The following PRH1 variants were observed in gnomAD, a reference collection of about 807,000 sequenced individuals.
PRH1 encodes salivary acidic proline-rich phosphoprotein 1/2.
PRH1 carries 7 observed loss-of-function variants against 7.9 expected under a neutral mutation model. That is an observed-to-expected ratio of 0.89 (90% CI 0.50 to 1.67). The LOEUF is 1.67. PRH1 is among the 40% of genes most tolerant of loss of function. PRH1 has a pLI of 0.00. For missense variants in PRH1, 109 were observed against 223.6 expected (o/e 0.49, Z 3.27); for synonymous variants, 45 against 80.8 (o/e 0.56, Z 2.38).
Position 11,133,414 on chromosome 12 carries a change from G to T in PRH1, n.40-12234C>A, listed in dbSNP as rs1946433568. The T allele has an allele frequency of 1.9e-6, 3 of 1,613,860 alleles. No individual in the cohort carries two copies. In the South Asian group the frequency reaches 3.3e-5, roughly 18 times the overall value. On this transcript the variant is annotated intron_variant and non_coding_transcript_variant, in intron 1 of 1. Coordinates refer to the PRH1 transcript ENST00000541175. The stretch of plus-strand genomic sequence containing the variant: ...GCTTCTTGTTTCCCAAAATCAGGAT[G>T]AATGGGTGGGTTGAAGGATAGCTGA...
intron 2 of PRH1, chr12:10,908,975 C>A: frequency 6.2e-7 from 1 of 1,613,634 alleles, no homozygotes; most frequent in East Asian, 2.2e-5. Flanking sequence ...CTATTTTGAG[C>A]AAATAAAAGA....
intron 1 of PRH1, among the ~76,000 whole-genome samples, chr12:11,044,941 A>T (rs1015231171): frequency 6.6e-6 from 1 of 152,216 alleles, no homozygotes; most frequent in South Asian, 2.1e-4. Flanking sequence ...ATGTTCCACC[A>T]ATCTCACTGG....
At chr12:11,065,340 A>G (rs1397633558) in intron 1 of PRH1, among the ~76,000 whole-genome samples, 1 of 152,128 alleles carries the variant, frequency 6.6e-6, no homozygotes, top group African/African-American at 2.4e-5. Context: ...TTCTAAAAAT[A>G]TATGAACTGA....
chr12:10,919,815 T>G (rs1305496538), intron 2 of PRH1, among the ~76,000 whole-genome samples: 2 of 152,014 alleles, frequency 1.3e-5, no homozygotes, highest in Non-Finnish European at 2.9e-5. Flanking sequence ...TTTATTTCTG[T>G]GTCACAACCT....
At chr12:11,117,188 A>G (rs1308787331), downstream of PRH1, among the ~76,000 whole-genome samples, 1 of 152,148 alleles carries the variant, frequency 6.6e-6, no homozygotes, top group Non-Finnish European at 1.5e-5. Flanking sequence ...ACCAAAAACT[A>G]TTAGAATTGA....
intron 1 of PRH1, among the ~76,000 whole-genome samples, chr12:11,081,655 T>TGG (rs1259769073): frequency 9.5e-5 from 11 of 116,108 alleles, no homozygotes; most frequent in Admixed American, 2.6e-4. Flanking sequence ...TGACCAGAAC[T>TGG]ACCTCTCAAA....
At chr12:10,972,853 T>G (rs1565511541) in intron 2 of PRH1, among the ~76,000 whole-genome samples, 2 of 150,890 alleles carry the variant, frequency 1.3e-5, no homozygotes, top group Non-Finnish European at 2.9e-5. Flanking sequence ...CAGTACTCTT[T>G]AAAATCTGGT....
At chr12:10,996,224 G>A (rs1017397942) in intron 1 of PRH1, among the ~76,000 whole-genome samples, 1 of 151,858 alleles carries the variant, frequency 6.6e-6, no homozygotes, top group African/African-American at 2.4e-5. Flanking sequence ...AGCCACTCAG[G>A]AGGCTGACGC....
At chr12:10,923,802 T>C (rs888032208) in intron 2 of PRH1, among the ~76,000 whole-genome samples, 1 of 151,430 alleles carries the variant, frequency 6.6e-6, no homozygotes, top group African/African-American at 2.4e-5. Flanking sequence ...CATAGTCGTG[T>C]TTTGTTTTCT....
intron 2 of PRH1, among the ~76,000 whole-genome samples, chr12:10,952,444 T>C (rs1310797700): frequency 6.6e-6 from 1 of 152,150 alleles, no homozygotes; most frequent in African/African-American, 2.4e-5. Flanking sequence ...AAAATATGCC[T>C]GGAAATGCCA....
Position 11,089,563 on chromosome 12 carries a change from G to A in PRH1, n.124-42375C>T, listed in dbSNP as rs183580733. Among the ~76,000 whole-genome samples the A allele has an allele frequency of 5.8e-5, 8 of 139,106 alleles. No homozygotes were observed. In the East Asian group the frequency reaches 1.2e-3, roughly 21 times the overall value. The allele number at this position is 139,106 out of a possible 152,430, so 91.3% of individuals were successfully genotyped here. A position where few individuals can be genotyped will look rare whatever the true frequency, so the allele number is the denominator to read the frequency against. On this transcript the variant is annotated intron_variant and non_coding_transcript_variant, in intron 1 of 4. Transcript: ENST00000541977. Reference sequence around the variant, plus strand: ...TTTCTTCCTGTCTCAATTTCCACACGTCCTTGCCATTTTTGTCTTGAATTT... The same window carrying A: ...TTTCTTCCTGTCTCAATTTCCACACATCCTTGCCATTTTTGTCTTGAATTT...
chr12:10,888,127 C>T (rs1430511929), upstream of PRH1, among the ~76,000 whole-genome samples: 1 of 152,274 alleles, frequency 6.6e-6, no homozygotes, highest in Non-Finnish European at 1.5e-5. Flanking sequence ...CCACTTGAGC[C>T]TCCCATCACA....
chr12:10,997,409 T>G (rs1255830499), intron 1 of PRH1: 1 of 1,614,104 alleles, frequency 6.2e-7, no homozygotes, highest in South Asian at 1.1e-5. Flanking sequence ...TTCACATTCT[T>G]CTGTCCACAC....
chr12:10,960,382 A>G (rs1938183240), intron 2 of PRH1, among the ~76,000 whole-genome samples: 1 of 152,242 alleles, frequency 6.6e-6, no homozygotes, highest in Non-Finnish European at 1.5e-5. Flanking sequence ...CCAAAACCAG[A>G]TGGATTATCA....
chr12:10,882,140 A>G, intron 3 of PRH1, 77 bp downstream of exon 3: 1 of 1,586,088 alleles, frequency 6.3e-7, no homozygotes, highest in East Asian at 2.2e-5. Context: ...ACAGGTTTTC[A>G]GAGGATTCAT....
chr12:11,046,937 T>A (rs1028083823), intron 1 of PRH1: 4 of 446,988 alleles, frequency 8.9e-6, no homozygotes, highest in East Asian at 7.1e-5. Context: ...TACATTTGTA[T>A]CAGGATGAAA....
At chr12:11,130,849 AC>A (rs1395571544) in intron 1 of PRH1, among the ~76,000 whole-genome samples, 1 of 152,172 alleles carries the variant, frequency 6.6e-6, no homozygotes, top group Non-Finnish European at 1.5e-5. Flanking sequence ...ACCCTGTACA[AC>A]TGTGCAAGTC....
At chr12:10,899,580 G>GC (rs1949696376) in intron 2 of PRH1, among the ~76,000 whole-genome samples, 1 of 152,054 alleles carries the variant, frequency 6.6e-6, no homozygotes, top group Non-Finnish European at 1.5e-5. Context: ...ATGCCCCTTT[G>GC]GTTTATTCTC....
intron 1 of PRH1, among the ~76,000 whole-genome samples, chr12:11,100,323 T>G (rs1040808832): frequency 2.0e-5 from 3 of 152,120 alleles, no homozygotes; most frequent in Admixed American, 6.5e-5. Context: ...TTGTAATACT[T>G]TGGTCAAAGA....
Sources: allele counts gnomAD v4.1 joint callset (sites outside exome capture counted in the v4.1 genomes callset), GRCh38; gene constraint gnomAD v4.1.1; transcripts MANE v1.5; gene names NCBI Gene and HGNC (gene_info 2026-07-23, HGNC 2026-07-21).